Variants in PADI3 observed in about 807,000 individuals in gnomAD.
PADI3 encodes protein-arginine deiminase type-3.
A neutral mutation model predicts 71.5 loss-of-function variants in PADI3; 53 were observed. The observed-to-expected ratio is 0.74, with a 90% CI of 0.59 to 0.93. The LOEUF is 0.93. Ranked by LOEUF, PADI3 falls within the 40% of genes least tolerant of loss-of-function variation. The pLI, the probability that PADI3 is intolerant of heterozygous loss-of-function variation, is 0.00. For missense variants in PADI3, 821 were observed against 868.0 expected (o/e 0.95, Z 0.68); for synonymous variants, 361 against 347.5 (o/e 1.04, Z -0.43).
chr1:17,264,410 A>G (rs1232237556), intron 3 of PADI3, among the ~76,000 whole-genome samples: 1 of 152,114 alleles, frequency 6.6e-6, no homozygotes, highest in Non-Finnish European at 1.5e-5. Context: ...AATAAACCCA[A>G]GAGTAGCCCA....
intron 6 of PADI3, 57 bp downstream of exon 6, chr1:17,268,019 G>A: frequency 6.2e-7 from 1 of 1,606,510 alleles, no homozygotes; most frequent in Non-Finnish European, 8.5e-7. Flanking sequence ...TTGCCTACCA[G>A]GGAACCTCCT....
chr1:17,258,159 A>G (rs189975687), intron 1 of PADI3, among the ~76,000 whole-genome samples: 3 of 152,324 alleles, frequency 2.0e-5, no homozygotes, highest in Admixed American at 2.0e-4. Context: ...GGCACACAGC[A>G]TGAGCTCAGT....
chr1:17,259,839 C>A, intron 2 of PADI3, 81 bp downstream of exon 2: 1 of 1,273,068 alleles, frequency 7.9e-7, no homozygotes, highest in Non-Finnish European at 1.1e-6. Context: ...CATTCTCTTT[C>A]TCCAGAGCGC....
intron 6 of PADI3, 130 bp from the exon 7 acceptor site, chr1:17,270,103 G>A: frequency 2.0e-6 from 2 of 1,023,762 alleles, no homozygotes; most frequent in Non-Finnish European, 1.4e-6. Context: ...TTTGCCAGTG[G>A]AGGTGAAAGG....
At chr1:17,260,475 T>C (rs1238644506) in intron 2 of PADI3, among the ~76,000 whole-genome samples, 5 of 152,100 alleles carry the variant, frequency 3.3e-5, no homozygotes, top group Admixed American at 2.0e-4. Context: ...ACGTGCCAGG[T>C]ACTGGGCAGC....
At chr1:17,254,947 C>T (rs1242697021) in intron 1 of PADI3, among the ~76,000 whole-genome samples, 4 of 152,076 alleles carry the variant, frequency 2.6e-5, no homozygotes, top group Admixed American at 2.6e-4. Context: ...AACTCCTGAC[C>T]TCAGGTGATC....
At chr1:17,265,626 T>C (rs72646775) in intron 3 of PADI3, 33 bp from the exon 4 acceptor site, 149,086 of 1,606,448 alleles carry the variant, frequency 0.093, 7,600 homozygotes, top group Non-Finnish European at 0.1. Flanking sequence ...CCTGGGAACC[T>C]TGTAGTGACT....
chr1:17,280,853 A>C (rs1168751004), intron 15 of PADI3, 57 bp downstream of exon 15: 1 of 1,593,216 alleles, frequency 6.3e-7, no homozygotes, highest in African/African-American at 1.3e-5. Context: ...TCTAAGCTCG[A>C]GAGAGGAAAA....
At chr1:17,279,882 C>A (rs1015830991) in intron 13 of PADI3, among the ~76,000 whole-genome samples, 1 of 152,194 alleles carries the variant, frequency 6.6e-6, no homozygotes, top group East Asian at 1.9e-4. Context: ...CCCCATTTCA[C>A]GCAGTCACCC....
chr1:17,265,009 C>CCAA (rs572747852), intron 3 of PADI3, among the ~76,000 whole-genome samples: 1 of 140,236 alleles, frequency 7.1e-6, no homozygotes, highest in Non-Finnish European at 1.6e-5. Flanking sequence ...TGTCTTGTCT[C>CCAA]AAAAAAAAAA....
At position 17,250,533 on chromosome 1, in the gene PADI3, G is replaced by C. The variant is rs79318867; in HGVS notation, c.92+1304G>C. ...GTTGATCCAGGGCATTGGATGAGAG[G>C]GGGTGAGGAGCTGGTCATGGGAGGG... On this transcript the variant is annotated intron_variant, in intron 1 of 15. Transcript: ENST00000375460. 5.0e-3 allele frequency among the ~76,000 whole-genome samples: 760 copies of C among 152,286 alleles called. 5 individuals carry two copies. Among genetic ancestry groups the C allele is most frequent in the African/African-American group, 0.013 (536 of 41,554 alleles).
At chr1:17,270,181 A>T in intron 6 of PADI3, 52 bp from the exon 7 acceptor site, 2 of 1,557,648 alleles carry the variant, frequency 1.3e-6, no homozygotes, top group South Asian at 1.2e-5. Flanking sequence ...CCTCATACTC[A>T]TGCTCCCTGG....
At chr1:17,274,886 C>G in intron 11 of PADI3, 100 bp downstream of exon 11, 1 of 1,219,728 alleles carries the variant, frequency 8.2e-7, no homozygotes. Context: ...TGAAGAGAGC[C>G]AGAAGCAAGG....
intron 1 of PADI3, 54 bp downstream of exon 1, chr1:17,249,283 C>A: frequency 7.0e-7 from 1 of 1,420,954 alleles, no homozygotes; most frequent in Non-Finnish European, 1.0e-6. Flanking sequence ...TGCCCTTGGA[C>A]CTTCCTCCCT....
At position 17,249,188 on chromosome 1, in the gene PADI3, G is replaced by T. The variant is rs749226130; in HGVS notation, c.51G>T (p.Ala17=). ...TGTCCCTGGAGCATCCCACCAGCGC[G>T]GTGTGTGTGGCTGGCGTGGAGACCC... ...VRVSLEHPTS[A]VCVAGVETLV... Residue 17 remains alanine (A), a synonymous_variant, in exon 1 of 16, where the codon GCG becomes GCT. Transcript: ENST00000375460. 7 of 1,614,042 alleles carry T rather than the reference G, an allele frequency of 4.3e-6. No homozygotes were observed. In the African/African-American group the frequency reaches 6.7e-5, roughly 15 times the overall value.
intron 1 of PADI3, among the ~76,000 whole-genome samples, chr1:17,252,981 AC>A (rs1354503436): frequency 7.9e-5 from 12 of 152,232 alleles, no homozygotes; most frequent in Non-Finnish European, 1.8e-4. Flanking sequence ...CTGGGGTCTT[AC>A]ACGCCACTTC....
At position 17,280,680 on chromosome 1, in the gene PADI3, G is replaced by A. The variant is rs759391605; in HGVS notation, c.1645G>A (p.Asp549Asn). 35 of 1,614,004 alleles carry A rather than the reference G, an allele frequency of 2.2e-5. No individual in the cohort carries two copies. The East Asian group carries it at 3.8e-4, about 17-fold the overall frequency. Residue 549 changes from aspartate (D) to asparagine (N), a missense_variant, in exon 15 of 16, where the codon GAC becomes AAC. Asp to Asn is a conservative substitution (Grantham distance 23). Coordinates refer to ENST00000375460, the MANE Select transcript of PADI3 (RefSeq NM_016233.2). ...NYNKFVQSCIDWNREVLKREL... is the reference protein window; with the variant it reads ...NYNKFVQSCINWNREVLKREL... The stretch of plus-strand genomic sequence containing the variant: ...CCTCCCCTGCCCCCAGAGCTGCATC[G>A]ACTGGAACCGTGAGGTGCTGAAGCG...
chr1:17,262,348 A>G lies in PADI3; in HGVS notation c.346+143A>G, dbSNP rs186256959. The G allele has an allele frequency of 4.4e-5, 27 of 611,868 alleles. No individual in the cohort carries two copies. The African/African-American group carries it at 5.0e-4, about 11-fold the overall frequency. The allele number at this position is 611,868 out of a possible 1,614,324, so 37.9% of individuals were successfully genotyped here. On this transcript the variant is annotated intron_variant, in intron 3 of 15. Transcript: ENST00000375460. ...CCCCAAACCCAGCATTTTTCTAGAGATACGCTGTGCTTATATATGAAAGCA... is the reference window on the plus strand; with the variant it reads ...CCCCAAACCCAGCATTTTTCTAGAGGTACGCTGTGCTTATATATGAAAGCA...
intron 1 of PADI3, among the ~76,000 whole-genome samples, chr1:17,258,526 G>T (rs1252660822): frequency 1.3e-5 from 2 of 152,244 alleles, no homozygotes. Context: ...ATTAATTTCT[G>T]GTTGTTTGAC....
Sources: allele counts gnomAD v4.1 joint callset (sites outside exome capture counted in the v4.1 genomes callset), GRCh38; gene constraint gnomAD v4.1.1; transcripts MANE v1.5; gene names NCBI Gene and HGNC (gene_info 2026-07-23, HGNC 2026-07-21).